Variants in RAPGEF1 observed in about 807,000 individuals in gnomAD.
The protein encoded by RAPGEF1 is CRK SH3-binding GNRP.
RAPGEF1 carries 33 observed loss-of-function variants against 143.3 expected under a neutral mutation model. The ratio of observed to expected loss-of-function variants is 0.23; its 90% CI spans 0.17 to 0.31. The LOEUF (loss-of-function observed/expected upper bound fraction) is 0.31. RAPGEF1 is among the 10% of genes least tolerant of loss of function. RAPGEF1 has a pLI of 1.00. For synonymous variants in RAPGEF1, 629 were observed against 676.5 expected (o/e 0.93, Z 1.09); for missense variants, 1,199 against 1,645.4 (o/e 0.73, Z 4.69).
At chr9:131,608,154 C>G (rs1957408479) in intron 12 of RAPGEF1, among the ~76,000 whole-genome samples, 1 of 152,180 alleles carries the variant, frequency 6.6e-6, no homozygotes, top group South Asian at 2.1e-4. Context: ...ATAGCCCCTC[C>G]CCCATAAGGT....
In RAPGEF1 at chr9:131,602,154, A is replaced by C. The variant is rs1366149132; in HGVS notation, c.2413-5T>G. The C allele has an allele frequency of 1.9e-6, 3 of 1,577,034 alleles. No homozygotes were observed. The highest frequency in any genetic ancestry group is 3.3e-4 in the Middle Eastern group (2 of 6,038). The stretch of plus-strand genomic sequence containing the variant: ...GTCTTTCCCAGCCGGTGGCTCCTGG[A>C]AAGAGGAGTGGGTGCTGAGTTCTGG... On this transcript the variant is annotated splice_region_variant and splice_polypyrimidine_tract_variant and intron_variant, in intron 14 of 26. Coordinates refer to ENST00000683357, the MANE Select transcript of RAPGEF1 (RefSeq NM_001377935.1).
chr9:131,698,998 G>A (rs538344416), intron 1 of RAPGEF1, among the ~76,000 whole-genome samples: 2 of 152,144 alleles, frequency 1.3e-5, no homozygotes, highest in African/African-American at 4.8e-5. Context: ...TCTCTCGTCC[G>A]GCAATTCTCC....
chr9:131,705,084 CATTTCCAGGTCCCAAATA>C (rs1834950290), intron 1 of RAPGEF1, among the ~76,000 whole-genome samples: 1 of 152,198 alleles, frequency 6.6e-6, no homozygotes, highest in South Asian at 2.1e-4. Flanking sequence ...TAAGAATGAA[CATTTCCAGGTCCCAAATA>C]ACCACCTGCC....
chr9:131,706,799 T>C (rs969049991), intron 1 of RAPGEF1, among the ~76,000 whole-genome samples: 2 of 152,202 alleles, frequency 1.3e-5, no homozygotes, highest in Non-Finnish European at 2.9e-5. Flanking sequence ...TAAAACCCTA[T>C]GCGCCAAAGA....
At chr9:131,658,401 G>GAAGT (rs1973108241) in intron 1 of RAPGEF1, among the ~76,000 whole-genome samples, 1 of 152,158 alleles carries the variant, frequency 6.6e-6, no homozygotes, top group Admixed American at 6.5e-5. Flanking sequence ...TATCTAATCT[G>GAAGT]TGAGAGCAAC....
At chr9:131,627,168 CA>C (rs1436478064) in intron 9 of RAPGEF1, among the ~76,000 whole-genome samples, 3 of 132,238 alleles carry the variant, frequency 2.3e-5, no homozygotes, top group African/African-American at 8.9e-5. Flanking sequence ...GAGCCCAGAT[CA>C]TGTCACTACA....
chr9:131,671,339 C>T (rs765278784), intron 1 of RAPGEF1, among the ~76,000 whole-genome samples: 49 of 152,330 alleles, frequency 3.2e-4, no homozygotes, highest in Non-Finnish European at 6.5e-4. Flanking sequence ...ACGGGCCACA[C>T]GGTGGAGAGG....
rs148539346 is a variant in RAPGEF1 at position 131,615,263 on chromosome 9, C to A, written c.2061+3788G>T. The stretch of plus-strand genomic sequence containing the variant: ...AATTTTTTTTGTATTTTCAGTAGAG[C>A]CGGGGTTTCACCGTCTTAGCCGGGA... On this transcript the variant is annotated intron_variant, in intron 12 of 26. Transcript: ENST00000683357. Among the ~76,000 whole-genome samples, 17 of 152,242 alleles carry A rather than the reference C, an allele frequency of 1.1e-4. No homozygotes were observed. The East Asian group carries it at 2.5e-3, about 22-fold the overall frequency.
intron 1 of RAPGEF1, among the ~76,000 whole-genome samples, chr9:131,674,728 A>G (rs1832005043): frequency 6.6e-6 from 1 of 152,172 alleles, no homozygotes; most frequent in Non-Finnish European, 1.5e-5. Context: ...CCCAACCTGA[A>G]GAGGGATCCC....
intron 17 of RAPGEF1, among the ~76,000 whole-genome samples, chr9:131,595,146 C>T (rs1024044816): frequency 2.6e-5 from 4 of 152,236 alleles, no homozygotes. Context: ...TCGGCTCAGG[C>T]CGAGAAGCCC....
chr9:131,628,765 T>C lies in RAPGEF1; in HGVS notation c.894-93A>G. The C allele has an allele frequency of 6.8e-7, 1 of 1,463,836 alleles. No individual in the cohort carries two copies. Among genetic ancestry groups the C allele is most frequent in the Non-Finnish European group, 9.2e-7 (1 of 1,089,706 alleles). The allele number at this position is 1,463,836 out of a possible 1,614,324, so 90.7% of individuals were successfully genotyped here. A position where few individuals can be genotyped will look rare whatever the true frequency, so the allele number is the denominator to read the frequency against. On this transcript the variant is annotated intron_variant, in intron 7 of 26. Transcript: ENST00000683357. The surrounding 1 kb of genome is among the most constrained non-coding windows in gnomAD (Gnocchi z 5.7). ...GGTACAGGATGTGGGGTTCTTTCAT[T>C]ACTAGACTCTCCACACCCAATGTTC...
rs1308922498 is a variant in RAPGEF1, at chr9:131,667,758, G to T, written c.62-16809C>A. 1.3e-5 allele frequency among the ~76,000 whole-genome samples: 2 copies of T among 152,168 alleles called. No homozygotes were observed. Among genetic ancestry groups the T allele is most frequent in the African/African-American group, 4.8e-5 (2 of 41,432 alleles). Reference sequence around the variant, plus strand: ...CGTCCCACCCACGTCTCAGATGGAAGGGAAAGGCCGTCATCTTGTGTGATG... The same window carrying T: ...CGTCCCACCCACGTCTCAGATGGAATGGAAAGGCCGTCATCTTGTGTGATG... On this transcript the variant is annotated intron_variant, in intron 1 of 26. Transcript: ENST00000683357. The surrounding 1 kb of genome is among the most constrained non-coding windows in gnomAD (Gnocchi z 4.6).
At chr9:131,676,989 G>A (rs1352950724) in intron 1 of RAPGEF1, among the ~76,000 whole-genome samples, 1 of 152,252 alleles carries the variant, frequency 6.6e-6, no homozygotes, top group Non-Finnish European at 1.5e-5. Flanking sequence ...TACACAGTAA[G>A]TTGGAAGACC....
chr9:131,638,239 C>T lies in RAPGEF1; in HGVS notation c.651+396G>A, dbSNP rs147717379. On this transcript the variant is annotated intron_variant, in intron 5 of 26. Transcript: ENST00000683357. Reference sequence around the variant, plus strand: ...GTTCCATTTCTTACTCATCTCACTCCTGCTTTTCTACCAAGAATCCTAGAA... The same window carrying T: ...GTTCCATTTCTTACTCATCTCACTCTTGCTTTTCTACCAAGAATCCTAGAA... 9.3e-4 allele frequency among the ~76,000 whole-genome samples: 141 copies of T among 152,318 alleles called. 1 individual carries two copies. In the East Asian group the frequency reaches 0.022, roughly 24 times the overall value.
intron 1 of RAPGEF1, among the ~76,000 whole-genome samples, chr9:131,693,028 T>C (rs1305087790): frequency 6.6e-6 from 1 of 152,226 alleles, no homozygotes; most frequent in African/African-American, 2.4e-5. Context: ...CTTGGTATTA[T>C]CATCCTCATA....
intron 25 of RAPGEF1, among the ~76,000 whole-genome samples, chr9:131,582,081 C>T (rs1418743664): frequency 1.3e-5 from 2 of 152,198 alleles, no homozygotes; most frequent in African/African-American, 4.8e-5. Flanking sequence ...CCGCTACGTC[C>T]CTTTTCTATG....
At chr9:131,651,726 T>A (rs1297987511) in intron 1 of RAPGEF1, among the ~76,000 whole-genome samples, 1 of 152,162 alleles carries the variant, frequency 6.6e-6, no homozygotes, top group East Asian at 1.9e-4. Flanking sequence ...ACCCACAGGA[T>A]GAAAGAAAAT....
rs1474877454 is a variant in RAPGEF1 at position 131,584,499 on chromosome 9, A to G, written c.3312+19T>C. ...AGGGACTGATGATGGGGGCCTGGGAAGGACTTGGCCACCATTACCTTCATG... is the reference window on the plus strand; with the variant it reads ...AGGGACTGATGATGGGGGCCTGGGAGGGACTTGGCCACCATTACCTTCATG... On this transcript the variant is annotated intron_variant, in intron 23 of 26. Transcript: ENST00000683357. This position sits in a 1 kb window ranked among gnomAD's most constrained non-coding sequence, Gnocchi z 6.8. The G allele has an allele frequency of 1.1e-5, 17 of 1,613,796 alleles. No individual in the cohort carries two copies. Among genetic ancestry groups the G allele is most frequent in the Non-Finnish European group, 1.4e-5 (17 of 1,179,648 alleles).
intron 1 of RAPGEF1, among the ~76,000 whole-genome samples, chr9:131,666,262 T>G (rs1253696655): frequency 3.9e-5 from 6 of 152,242 alleles, no homozygotes; most frequent in Non-Finnish European, 7.3e-5. Context: ...TTGTTCAAGC[T>G]ACCTCCAGGG....
Sources: allele counts gnomAD v4.1 joint callset (sites outside exome capture counted in the v4.1 genomes callset), GRCh38; gene constraint gnomAD v4.1.1; non-coding constraint Gnocchi (gnomAD v3.1); transcripts MANE v1.5; gene names NCBI Gene and HGNC (gene_info 2026-07-23, HGNC 2026-07-21).